The following IL36B variants were observed in gnomAD, a reference collection of about 807,000 sequenced individuals.
IL36B encodes the protein interleukin 36 beta.
Under a neutral mutation model 19.3 loss-of-function variants are expected in IL36B, and 23 were observed. That is an observed-to-expected ratio of 1.19 (90% CI 0.86 to 1.69). The LOEUF (loss-of-function observed/expected upper bound fraction) is 1.69, where lower values mean the gene tolerates loss of function less well. Among genes scored for constraint, IL36B ranks in the 40% most tolerant of loss-of-function variants. The pLI, the probability that IL36B is intolerant of heterozygous loss-of-function variation, is 0.00. For synonymous variants in IL36B, 59 were observed against 59.7 expected (o/e 0.99, Z 0.05); for missense variants, 217 against 200.5 (o/e 1.08, Z -0.50).
chr2:113,031,718 C>T lies in IL36B; in HGVS notation c.-9G>A, dbSNP rs773653219. 2 of 1,608,998 alleles carry T rather than the reference C, an allele frequency of 1.2e-6. No homozygotes were observed. The highest frequency in any genetic ancestry group is 1.7e-6 in the Non-Finnish European group (2 of 1,175,652). On this transcript the variant is annotated 5_prime_UTR_variant, in exon 2 of 6. Transcript: ENST00000259213. ...TTACGTTGTGGGTTCATGATGTCTT[C>T]AGAGCCTTTTGTGAAGAGAACAAGA...
chr2:113,046,883 T>G (rs1685359993), intron 1 of IL36B, among the ~76,000 whole-genome samples: 1 of 152,192 alleles, frequency 6.6e-6, no homozygotes, highest in Admixed American at 6.5e-5. Context: ...CATACTATAT[T>G]CATTACAGAG....
chr2:113,025,597 A>G (rs1225804194), intron 5 of IL36B, among the ~76,000 whole-genome samples: 1 of 152,204 alleles, frequency 6.6e-6, no homozygotes, highest in African/African-American at 2.4e-5. Flanking sequence ...AAGAAAATAA[A>G]TGTTCCATGA....
chr2:113,047,486 T>C (rs1289845283), intron 1 of IL36B, among the ~76,000 whole-genome samples: 1 of 152,222 alleles, frequency 6.6e-6, no homozygotes, highest in Non-Finnish European at 1.5e-5. Context: ...CGTAGTGTAA[T>C]TAAGGCTCTT....
In IL36B at chr2:113,027,251, G is replaced by A. The variant is rs796533219; in HGVS notation, c.262-1019C>T. ...AGGGATTGTTTTTGCTGTCTCAGGGGTGGAGAGGCAGAAGAGGTGGAGGAG... is the reference window on the plus strand; with the variant it reads ...AGGGATTGTTTTTGCTGTCTCAGGGATGGAGAGGCAGAAGAGGTGGAGGAG... On this transcript the variant is annotated intron_variant, in intron 4 of 5. Coordinates refer to ENST00000259213, the MANE Select transcript of IL36B (RefSeq NM_014438.5). Among the ~76,000 whole-genome samples, 18 of 152,264 alleles carry A rather than the reference G, an allele frequency of 1.2e-4. 1 individual carries two copies. The highest frequency in any genetic ancestry group is 4.3e-4 in the African/African-American group (18 of 41,554).
intron 1 of IL36B, among the ~76,000 whole-genome samples, chr2:113,048,102 G>A (rs554622045): frequency 2.5e-4 from 38 of 152,248 alleles, no homozygotes; most frequent in East Asian, 1.4e-3. Flanking sequence ...AATATATAGC[G>A]TCTGTAAGAA....
intron 1 of IL36B, among the ~76,000 whole-genome samples, chr2:113,034,880 C>T (rs1475461733): frequency 6.6e-6 from 1 of 152,320 alleles, no homozygotes; most frequent in African/African-American, 2.4e-5. Context: ...CCCACAGGCT[C>T]ACCTTGGCTC....
chr2:113,035,330 A>G (rs34525385), intron 1 of IL36B, among the ~76,000 whole-genome samples: 264 of 152,292 alleles, frequency 1.7e-3, no homozygotes, highest in African/African-American at 6.1e-3. Flanking sequence ...GTACTGAAAT[A>G]AAATGAAATC....
At chr2:113,028,511 C>T (rs1685007450) in intron 4 of IL36B, among the ~76,000 whole-genome samples, 1 of 152,240 alleles carries the variant, frequency 6.6e-6, no homozygotes, top group Non-Finnish European at 1.5e-5. Flanking sequence ...AGCTTCATAA[C>T]TACAATGTTG....
chr2:113,026,118 A>T lies in IL36B; in HGVS notation c.376T>A (p.Trp126Arg). 1 of 1,613,752 alleles carries T rather than the reference A, an allele frequency of 6.2e-7. No homozygotes were observed. Among genetic ancestry groups the T allele is most frequent in the Non-Finnish European group, 8.5e-7 (1 of 1,179,752 alleles). The stretch of plus-strand genomic sequence containing the variant: ...TGCTCCTCACCCACTCCTATTCCCC[A>T]TTGGTCAAGGGTTCCCATGAAGCAG... The change falls in exon 5 of 6, where the codon TGG becomes AGG. Residue 126 changes from tryptophan to arginine, a missense_variant. Trp to Arg is a moderately radical substitution (Grantham distance 101). Transcript: ENST00000259213.
chr2:113,023,759 T>C (rs1684903835), intron 5 of IL36B, among the ~76,000 whole-genome samples: 1 of 152,204 alleles, frequency 6.6e-6, no homozygotes, highest in African/African-American at 2.4e-5. Context: ...ATCAGAAATG[T>C]TCTACTTGTA....
chr2:113,031,002 G>T (rs1170093054), intron 3 of IL36B, 46 bp downstream of exon 3: 1 of 1,354,864 alleles, frequency 7.4e-7, no homozygotes, highest in South Asian at 1.2e-5. Context: ...TCCTGGTGAA[G>T]ATGGCATCAC....
At chr2:113,027,234 T>C (rs893895019) in intron 4 of IL36B, among the ~76,000 whole-genome samples, 199 bp downstream of exon 5, 1 of 152,086 alleles carries the variant, frequency 6.6e-6, no homozygotes, top group Non-Finnish European at 1.5e-5. Flanking sequence ...GGAGGGATTG[T>C]TTTTGCTGTC....
intron 1 of IL36B, among the ~76,000 whole-genome samples, chr2:113,033,222 A>G (rs1275957567): frequency 6.6e-6 from 1 of 152,090 alleles, no homozygotes; most frequent in African/African-American, 2.4e-5. Flanking sequence ...TTTAATCTTC[A>G]CGCTACATTT....
intron 1 of IL36B, among the ~76,000 whole-genome samples, chr2:113,042,391 G>A (rs1685273335): frequency 6.6e-6 from 1 of 152,122 alleles, no homozygotes; most frequent in South Asian, 2.1e-4. Context: ...TTTGACATAT[G>A]TCTATGTTTG....
At chr2:113,042,260 T>G (rs748497220) in intron 1 of IL36B, among the ~76,000 whole-genome samples, 3 of 152,134 alleles carry the variant, frequency 2.0e-5, no homozygotes, top group Non-Finnish European at 4.4e-5. Context: ...AATAGGTCAT[T>G]CCTAGAATGC....
chr2:113,045,234 G>T (rs906667489), intron 1 of IL36B, among the ~76,000 whole-genome samples: 2 of 151,910 alleles, frequency 1.3e-5, no homozygotes, highest in Non-Finnish European at 2.9e-5. Context: ...TTTTTTGCTG[G>T]TTATAACCGC....
At position 113,022,803 on chromosome 2, in the gene IL36B, A is replaced by G. The variant is rs374123046; in HGVS notation, c.392-26T>C. ...CTGCAGGAAAGGAGAAGTATCTCCT[A>G]GGCTTAGCAAGATGTGGACATTTGC... On this transcript the variant is annotated intron_variant, in intron 5 of 5. Transcript: ENST00000259213. 4.8e-6 allele frequency: 7 copies of G among 1,460,028 alleles called. No homozygotes were observed. In the Admixed American group the frequency reaches 6.7e-5, roughly 14 times the overall value. 90.4% of individuals were successfully genotyped at this position (1,460,028 alleles called of 1,614,324 possible).
intron 1 of IL36B, among the ~76,000 whole-genome samples, chr2:113,037,656 A>G (rs919399027): frequency 6.6e-6 from 1 of 152,182 alleles, no homozygotes; most frequent in Non-Finnish European, 1.5e-5. Flanking sequence ...TCTCAAAAAA[A>G]AAAAAAAATC....
intron 5 of IL36B, chr2:113,022,801 C>A: frequency 6.7e-7 from 1 of 1,494,534 alleles, no homozygotes; most frequent in East Asian, 2.3e-5. Context: ...GAAGTATCTC[C>A]TAGGCTTAGC....
Sources: gnomAD v4.1 joint callset for allele counts (sites outside exome capture counted in the v4.1 genomes callset) on GRCh38, gnomAD v4.1.1 for gene constraint, MANE v1.5 for transcripts, NCBI Gene and HGNC (gene_info 2026-07-23, HGNC 2026-07-21) for gene names.